The following SYNDIG1L variants were observed in gnomAD, a reference collection of about 807,000 sequenced individuals.
SYNDIG1L encodes synapse differentiation inducing 1 like.
A neutral mutation model predicts 20.1 loss-of-function variants in SYNDIG1L; 13 were observed. That is an observed-to-expected ratio of 0.65 (90% CI 0.42 to 1.03). The LOEUF is 1.03. SYNDIG1L is among the 50% of genes least tolerant of loss of function. SYNDIG1L has a pLI of 0.00. For synonymous variants in SYNDIG1L, 128 were observed against 129.3 expected (o/e 0.99, Z 0.07); for missense variants, 294 against 305.1 (o/e 0.96, Z 0.27).
chr14:74,431,624 T>A, the SYNDIG1L span, among the ~76,000 whole-genome samples: 2 of 152,100 alleles, frequency 1.3e-5, no homozygotes, highest in Non-Finnish European at 2.9e-5. Context: ...GCCGGGTCTG[T>A]GTGATGCCAA....
chr14:74,442,030 C>T, the SYNDIG1L span, among the ~76,000 whole-genome samples: 1 of 152,124 alleles, frequency 6.6e-6, no homozygotes, highest in Non-Finnish European at 1.5e-5. Context: ...CACTTCTTAG[C>T]TGGGTACATG....
chr14:74,408,856 T>C (rs1177895447), intron 2 of SYNDIG1L, among the ~76,000 whole-genome samples: 1 of 151,966 alleles, frequency 6.6e-6, no homozygotes, highest in Non-Finnish European at 1.5e-5. Flanking sequence ...GGGTTTAAAT[T>C]ATTTATATAA....
the SYNDIG1L span, among the ~76,000 whole-genome samples, chr14:74,449,479 G>A: frequency 9.1e-6 from 1 of 109,702 alleles, no homozygotes; most frequent in African/African-American, 3.3e-5. Flanking sequence ...AGGCAAAATG[G>A]CATGTACCCA....
At chr14:74,478,316 T>A in the SYNDIG1L span, among the ~76,000 whole-genome samples, 1 of 152,182 alleles carries the variant, frequency 6.6e-6, no homozygotes, top group Non-Finnish European at 1.5e-5. Context: ...TCACAAAGAA[T>A]GCAAGTTATA....
chr14:74,447,766 A>C, the SYNDIG1L span, among the ~76,000 whole-genome samples: 2 of 152,160 alleles, frequency 1.3e-5, no homozygotes, highest in African/African-American at 4.8e-5. Context: ...AAAATATAGA[A>C]CATTGCACCC....
the SYNDIG1L span, among the ~76,000 whole-genome samples, chr14:74,461,085 G>A: frequency 6.6e-6 from 1 of 151,410 alleles, no homozygotes; most frequent in African/African-American, 2.4e-5. Context: ...AGCATGCTGG[G>A]CACCACTGGA....
the SYNDIG1L span, chr14:74,479,088 G>A: frequency 6.6e-6 from 1 of 152,188 alleles, no homozygotes; most frequent in Non-Finnish European, 1.5e-5. Context: ...AGACAAGGTG[G>A]ACTGTCACTC....
At chr14:74,427,174 G>T (rs1336273043), upstream of SYNDIG1L, among the ~76,000 whole-genome samples, 1 of 141,482 alleles carries the variant, frequency 7.1e-6, no homozygotes, top group African/African-American at 2.6e-5. Context: ...ACCAGTGGAT[G>T]AACCTATTCT....
upstream of SYNDIG1L, among the ~76,000 whole-genome samples, chr14:74,430,689 C>T (rs1274630656): frequency 1.3e-5 from 2 of 152,170 alleles, no homozygotes; most frequent in Non-Finnish European, 1.5e-5. Flanking sequence ...CCCGCCTTGG[C>T]CTCCCAAAGT....
At chr14:74,450,153 C>T in the SYNDIG1L span, among the ~76,000 whole-genome samples, 1 of 151,902 alleles carries the variant, frequency 6.6e-6, no homozygotes, top group Non-Finnish European at 1.5e-5. Context: ...ACACAAGTAC[C>T]AAAGCTCACA....
chr14:74,439,224 C>T, the SYNDIG1L span, among the ~76,000 whole-genome samples: 1 of 151,992 alleles, frequency 6.6e-6, no homozygotes, highest in African/African-American at 2.4e-5. Context: ...TGTAATAACT[C>T]GTATTTTCCC....
chr14:74,476,959 T>C, the SYNDIG1L span, among the ~76,000 whole-genome samples: 7 of 151,760 alleles, frequency 4.6e-5, 1 homozygote, highest in African/African-American at 1.7e-4. Flanking sequence ...CTTCAAAGAC[T>C]TTCAGGCAAC....
intron 1 of SYNDIG1L, among the ~76,000 whole-genome samples, chr14:74,418,649 A>G (rs754663166): frequency 6.6e-6 from 1 of 152,234 alleles, no homozygotes; most frequent in African/African-American, 2.4e-5. Flanking sequence ...AGGCCAAGGC[A>G]TAAAAGGCCA....
the SYNDIG1L span, among the ~76,000 whole-genome samples, chr14:74,469,881 T>A: frequency 6.6e-6 from 1 of 152,338 alleles, no homozygotes; most frequent in East Asian, 1.9e-4. Flanking sequence ...GAAAACCCTC[T>A]CTGCCAGCAA....
chr14:74,475,450 C>CTTTTTTTTTTTTTTTTTT, the SYNDIG1L span, among the ~76,000 whole-genome samples: 1 of 149,508 alleles, frequency 6.7e-6, no homozygotes, highest in African/African-American at 2.5e-5. Flanking sequence ...TTGTATTTAA[C>CTTTTTTTTTTTTTTTTTT]ATTTTAAATG....
the SYNDIG1L span, chr14:74,476,609 AG>A: frequency 8.5e-6 from 13 of 1,526,468 alleles, 1 homozygote; most frequent in South Asian, 1.3e-4. Flanking sequence ...AAAGTAGAAG[AG>A]GTCACTGTTC....
chr14:74,459,350 C>A, the SYNDIG1L span, among the ~76,000 whole-genome samples: 2 of 152,094 alleles, frequency 1.3e-5, no homozygotes, highest in Admixed American at 1.3e-4. Context: ...ATAAAAAATA[C>A]AAGATTAGCT....
intron 1 of SYNDIG1L, among the ~76,000 whole-genome samples, chr14:74,420,855 C>T (rs769301768): frequency 3.6e-4 from 55 of 152,178 alleles, no homozygotes; most frequent in Admixed American, 6.5e-4. Flanking sequence ...ACCTGTAGCC[C>T]CAAACACTGG....
chr14:74,465,499 T>G, the SYNDIG1L span, among the ~76,000 whole-genome samples: 1 of 152,160 alleles, frequency 6.6e-6, no homozygotes, highest in Non-Finnish European at 1.5e-5. Context: ...CACCTCTCAC[T>G]TCCTTGCCAT....
Sources: allele counts gnomAD v4.1 joint callset (sites outside exome capture counted in the v4.1 genomes callset), GRCh38; gene constraint gnomAD v4.1.1; transcripts MANE v1.5; gene names NCBI Gene and HGNC (gene_info 2026-07-23, HGNC 2026-07-21).